The following TOX variants were observed in gnomAD, a reference collection of about 807,000 sequenced individuals.
TOX encodes the protein thymocyte selection-associated high mobility group box protein TOX.
Under a neutral mutation model 53.7 loss-of-function variants are expected in TOX, and 11 were observed. The observed-to-expected ratio is 0.20, with a 90% CI of 0.13 to 0.34. TOX has a LOEUF of 0.34. TOX is among the 10% of genes least tolerant of loss of function. The pLI is 1.00. For missense variants in TOX, 570 were observed against 664.6 expected, an observed-to-expected ratio of 0.86 and a Z score of 1.56; for synonymous variants, 225 against 245.3, an observed-to-expected ratio of 0.92 and a Z score of 0.77.
At chr8:58,866,455 T>C (rs976285708) in intron 3 of TOX, among the ~76,000 whole-genome samples, 6 of 152,214 alleles carry the variant, frequency 3.9e-5, no homozygotes, top group African/African-American at 1.4e-4. Context: ...AAACCTTAAT[T>C]GCAACAAAGT....
intron 4 of TOX, among the ~76,000 whole-genome samples, chr8:58,844,935 C>A (rs1325608571): frequency 2.6e-5 from 4 of 152,046 alleles, no homozygotes; most frequent in Non-Finnish European, 5.9e-5. Context: ...TGGTAATTCA[C>A]CCCTGTCATG....
intron 3 of TOX, among the ~76,000 whole-genome samples, chr8:58,919,086 C>G (rs1812028648): frequency 6.6e-6 from 1 of 150,472 alleles, no homozygotes. Flanking sequence ...ACATTCCATG[C>G]TCATGGGTAG....
chr8:59,034,471 A>G (rs1430278663), intron 1 of TOX, among the ~76,000 whole-genome samples: 1 of 152,044 alleles, frequency 6.6e-6, no homozygotes, highest in Non-Finnish European at 1.5e-5. Flanking sequence ...GCAATATCCA[A>G]TGCTTAAAAT....
chr8:58,994,422 G>A (rs1482380877), intron 1 of TOX, among the ~76,000 whole-genome samples: 9 of 141,674 alleles, frequency 6.4e-5, no homozygotes, highest in South Asian at 2.5e-4. Flanking sequence ...GTGTGTGTGC[G>A]CGCGCGCATG....
intron 1 of TOX, among the ~76,000 whole-genome samples, chr8:59,013,064 A>G (rs1813939184): frequency 6.6e-6 from 1 of 152,214 alleles, no homozygotes; most frequent in Non-Finnish European, 1.5e-5. Flanking sequence ...GTTCACAACT[A>G]TTCACTCATT....
At chr8:58,828,343 G>A (rs933525046) in intron 5 of TOX, among the ~76,000 whole-genome samples, 1 of 152,164 alleles carries the variant, frequency 6.6e-6, no homozygotes, top group Admixed American at 6.5e-5. Context: ...GGGGGCTTCA[G>A]CCTTGACTTC....
chr8:59,107,049 G>GA (rs1554547200), intron 1 of TOX, among the ~76,000 whole-genome samples: 1 of 130,154 alleles, frequency 7.7e-6, no homozygotes, highest in African/African-American at 3.0e-5. Context: ...AGTTTGCTGG[G>GA]GGGGGGGGGA....
intron 1 of TOX, among the ~76,000 whole-genome samples, chr8:59,053,549 T>C (rs1422992503): frequency 6.6e-6 from 1 of 152,254 alleles, no homozygotes; most frequent in Non-Finnish European, 1.5e-5. Context: ...GTAGTCTTTA[T>C]AACATGTTCT....
intron 3 of TOX, among the ~76,000 whole-genome samples, chr8:58,931,622 T>C (rs1273889395): frequency 6.6e-6 from 1 of 152,168 alleles, no homozygotes; most frequent in East Asian, 1.9e-4. Context: ...ACAAGGTTAA[T>C]TAAGCACAAA....
At chr8:58,826,709 A>T in intron 6 of TOX, 113 bp downstream of exon 6, 1 of 906,832 alleles carries the variant, frequency 1.1e-6, no homozygotes, top group Non-Finnish European at 1.6e-6. Flanking sequence ...TTTTTTTCCA[A>T]CAAAGAAGAT....
At chr8:58,889,978 T>C (rs1811532843) in intron 3 of TOX, among the ~76,000 whole-genome samples, 1 of 152,316 alleles carries the variant, frequency 6.6e-6, no homozygotes. Flanking sequence ...CAGATGGATA[T>C]GTATTATTCA....
chr8:58,904,135 A>G (rs1322498238), intron 3 of TOX, among the ~76,000 whole-genome samples: 1 of 152,140 alleles, frequency 6.6e-6, no homozygotes, highest in African/African-American at 2.4e-5. Context: ...CACTTATTTG[A>G]ATGGTTTTGC....
chr8:58,950,569 A>G (rs1412009232), intron 2 of TOX, among the ~76,000 whole-genome samples: 1 of 152,218 alleles, frequency 6.6e-6, no homozygotes, highest in African/African-American at 2.4e-5. Context: ...AAGAAAGCTT[A>G]TGCTGAAGAT....
At chr8:59,049,539 T>C (rs75714436) in intron 1 of TOX, among the ~76,000 whole-genome samples, 3,193 of 152,270 alleles carry the variant, frequency 0.021, 130 homozygotes, top group African/African-American at 0.072. Flanking sequence ...GGATTTTTTT[T>C]CGAACATTCT....
chr8:58,895,111 C>A (rs948033479), intron 3 of TOX, among the ~76,000 whole-genome samples: 20 of 152,068 alleles, frequency 1.3e-4, no homozygotes, highest in Non-Finnish European at 2.6e-4. Context: ...TCGCTTCAAC[C>A]GGGGAGGGGG....
At chr8:59,061,435 G>C (rs1803982230) in intron 1 of TOX, among the ~76,000 whole-genome samples, 3 of 152,178 alleles carry the variant, frequency 2.0e-5, no homozygotes, top group Admixed American at 6.5e-5. Context: ...ATCTCTAAAA[G>C]ATAACGTTCA....
rs539811899 is a variant in TOX, at chr8:59,033,544, T to A, written c.103-73536A>T. Among the ~76,000 whole-genome samples the A allele has an allele frequency of 8.2e-4, 125 of 152,232 alleles. 1 individual carries two copies. Among genetic ancestry groups the A allele is most frequent in the African/African-American group, 2.8e-3 (118 of 41,534 alleles). On this transcript the variant is annotated intron_variant, in intron 1 of 8. Transcript: ENST00000361421. ...AATGGTAAATTTCATATTATGTGAATTTTTCCACAATAATAAAAAGGTCGA... is the reference window on the plus strand; with the variant it reads ...AATGGTAAATTTCATATTATGTGAAATTTTCCACAATAATAAAAAGGTCGA...
intron 1 of TOX, among the ~76,000 whole-genome samples, chr8:58,981,476 A>C (rs1436318900): frequency 6.6e-6 from 1 of 151,888 alleles, no homozygotes; most frequent in African/African-American, 2.4e-5. Flanking sequence ...CACTTTCTTT[A>C]GTCCCTGCTT....
chr8:59,092,720 C>G (rs1477907982), intron 1 of TOX, among the ~76,000 whole-genome samples: 1 of 152,122 alleles, frequency 6.6e-6, no homozygotes, highest in Non-Finnish European at 1.5e-5. Context: ...ATCATCCTCT[C>G]TTCCAGGAAG....
Sources: gnomAD v4.1 joint callset for allele counts (sites outside exome capture counted in the v4.1 genomes callset) on GRCh38, gnomAD v4.1.1 for gene constraint, MANE v1.5 for transcripts, NCBI Gene and HGNC (gene_info 2026-07-23, HGNC 2026-07-21) for gene names.